The following ETS1 variants were observed in gnomAD, a reference collection of about 807,000 sequenced individuals.
ETS1 encodes ETS proto-oncogene 1, transcription factor.
Under a neutral mutation model 58.6 loss-of-function variants are expected in ETS1, and 15 were observed. The ratio of observed to expected loss-of-function variants is 0.26; its 90% CI spans 0.17 to 0.39. ETS1 has a LOEUF of 0.39. ETS1 is among the 10% of genes least tolerant of loss of function. The pLI is 1.00. For missense variants in ETS1, 417 were observed against 610.5 expected, an observed-to-expected ratio of 0.68 and a Z score of 3.34; for synonymous variants, 214 against 218.2, an observed-to-expected ratio of 0.98 and a Z score of 0.17.
chr11:128,582,568 C>T (rs988140405), intron 1 of ETS1, among the ~76,000 whole-genome samples: 5 of 152,138 alleles, frequency 3.3e-5, no homozygotes, highest in African/African-American at 1.2e-4. Flanking sequence ...AGAGCTAGAA[C>T]ATGGATAGCT....
At position 128,487,625 on chromosome 11, in the gene ETS1, G is replaced by A. The variant is rs561273942; in HGVS notation, c.536-1479C>T. Among the ~76,000 whole-genome samples, 114 of 152,230 alleles carry A rather than the reference G, an allele frequency of 7.5e-4. 2 individuals carry two copies. In the South Asian group the frequency reaches 0.023, roughly 30 times the overall value. On this transcript the variant is annotated intron_variant, in intron 5 of 9. Transcript: ENST00000392668. ...ATGGTGGCATGCGCCTGTAGTCCCA[G>A]CTACTCAGGAGGGTGAGGCAGGAGA... is the stretch of plus-strand genomic sequence containing the variant.
chr11:128,576,833 T>A (rs1205983994), intron 1 of ETS1, among the ~76,000 whole-genome samples: 2 of 152,058 alleles, frequency 1.3e-5, no homozygotes, highest in African/African-American at 2.4e-5. Context: ...GGAATGCCCA[T>A]CCACCCTCAA....
At chr11:128,546,206 T>C (rs1864130507) in intron 3 of ETS1, among the ~76,000 whole-genome samples, 1 of 152,208 alleles carries the variant, frequency 6.6e-6, no homozygotes. Context: ...AGTCTGAAAA[T>C]GGCCTCCTCT....
chr11:128,527,735 A>C (rs900397808), intron 3 of ETS1, among the ~76,000 whole-genome samples: 1 of 152,194 alleles, frequency 6.6e-6, no homozygotes, highest in African/African-American at 2.4e-5. Flanking sequence ...CCCACTGTCC[A>C]AGGCTGCAGG....
At chr11:128,522,389 C>A in intron 3 of ETS1, 1 of 977,526 alleles carries the variant, frequency 1.0e-6, no homozygotes, top group Non-Finnish European at 1.2e-6. Context: ...CGCGTCTCGG[C>A]CGCTGGGTCC....
At chr11:128,507,254 A>AGGGAC (rs934936105) in intron 3 of ETS1, among the ~76,000 whole-genome samples, 1 of 152,192 alleles carries the variant, frequency 6.6e-6, no homozygotes, top group Non-Finnish European at 1.5e-5. Flanking sequence ...AAATAAAGGC[A>AGGGAC]GGGACGGAGG....
At chr11:128,503,535 T>C (rs1021935378) in intron 3 of ETS1, among the ~76,000 whole-genome samples, 3 of 152,210 alleles carry the variant, frequency 2.0e-5, no homozygotes, top group Non-Finnish European at 4.4e-5. Context: ...TTTCATGCTA[T>C]GCAAATGGTG....
chr11:128,584,825 TCA>T (rs1304796427), intron 1 of ETS1, among the ~76,000 whole-genome samples: 9 of 148,300 alleles, frequency 6.1e-5, no homozygotes, highest in African/African-American at 2.2e-4. Context: ...AAATACTTTA[TCA>T]TTTCCATAAT....
At chr11:128,582,373 G>A (rs1300404088) in intron 1 of ETS1, among the ~76,000 whole-genome samples, 5 of 152,140 alleles carry the variant, frequency 3.3e-5, no homozygotes, top group African/African-American at 1.2e-4. Flanking sequence ...ATACTTAGCA[G>A]CATGCTGTAT....
intron 2 of ETS1, among the ~76,000 whole-genome samples, chr11:128,559,792 G>T (rs1337997962): frequency 6.6e-6 from 1 of 152,204 alleles, no homozygotes; most frequent in African/African-American, 2.4e-5. Context: ...TTATGAAACT[G>T]CCTCAGTTGA....
chr11:128,474,930 A>T (rs1477956252), intron 8 of ETS1, among the ~76,000 whole-genome samples: 8 of 152,226 alleles, frequency 5.3e-5, no homozygotes, highest in Non-Finnish European at 4.4e-5. Flanking sequence ...GCAAGCCTGG[A>T]AGCCAGCCCC....
chr11:128,569,315 C>CTTTTTTTTTTTTTTTTTTTTTTTT (rs1864572866), intron 2 of ETS1, among the ~76,000 whole-genome samples: 1 of 35,136 alleles, frequency 2.8e-5, no homozygotes, highest in Non-Finnish European at 6.1e-5. Context: ...GACAGAGTTT[C>CTTTTTTTTTTTTTTTTTTTTTTTT]TTCTTTTTTT....
At chr11:128,489,586 A>C (rs1250119289) in intron 4 of ETS1, 96 bp from the exon 5 acceptor site, 1 of 938,492 alleles carries the variant, frequency 1.1e-6, no homozygotes, top group Non-Finnish European at 1.7e-6. Flanking sequence ...TTTAGCTGAG[A>C]ATGCTATCTT....
At chr11:128,559,845 G>C (rs1206792224) in intron 2 of ETS1, among the ~76,000 whole-genome samples, 1 of 152,216 alleles carries the variant, frequency 6.6e-6, no homozygotes, top group Admixed American at 6.5e-5. Flanking sequence ...AATCTGGGCA[G>C]CCCAGCCCCC....
At chr11:128,528,802 G>T (rs971992339) in intron 3 of ETS1, among the ~76,000 whole-genome samples, 1 of 152,108 alleles carries the variant, frequency 6.6e-6, no homozygotes, top group Non-Finnish European at 1.5e-5. Flanking sequence ...TAACTAAAAA[G>T]GTCTTCGTAA....
chr11:128,522,295 G>A (rs1045408630), intron 3 of ETS1: 10 of 1,096,334 alleles, frequency 9.1e-6, no homozygotes, highest in Non-Finnish European at 1.1e-5. Context: ...CGGCTGCCTC[G>A]TTCGCTCTCG....
chr11:128,568,696 T>G (rs187651193), intron 2 of ETS1, among the ~76,000 whole-genome samples: 1 of 152,312 alleles, frequency 6.6e-6, no homozygotes, highest in East Asian at 1.9e-4. Context: ...AAACCATGAT[T>G]ACCTGAGGCT....
rs560174283 is a variant in ETS1 at position 128,549,580 on chromosome 11, G to A, written c.214+6711C>T. Among the ~76,000 whole-genome samples the A allele has an allele frequency of 8.2e-4, 125 of 152,242 alleles. 1 individual carries two copies. Among genetic ancestry groups the A allele is most frequent in the Middle Eastern group, 3.4e-3 (1 of 292 alleles). ...CCCAGCGCAATGCTGTTACTTCCTA[G>A]GATGTTCGAGAAGCTGCGAGTTCGA... On this transcript the variant is annotated intron_variant, in intron 3 of 9. Coordinates refer to ENST00000392668, the MANE Select transcript of ETS1 (RefSeq NM_001143820.2). This position sits in a 1 kb window ranked among gnomAD's most constrained non-coding sequence, Gnocchi z 4.3.
chr11:128,583,074 T>C (rs1864907434), intron 1 of ETS1, among the ~76,000 whole-genome samples: 1 of 152,234 alleles, frequency 6.6e-6, no homozygotes, highest in Non-Finnish European at 1.5e-5. Context: ...GCAGTAGGTC[T>C]GAGGTCTGGC....
Sources: allele counts gnomAD v4.1 joint callset (sites outside exome capture counted in the v4.1 genomes callset), GRCh38; gene constraint gnomAD v4.1.1; non-coding constraint Gnocchi (gnomAD v3.1); transcripts MANE v1.5; gene names NCBI Gene and HGNC (gene_info 2026-07-23, HGNC 2026-07-21).